CORO7: variants seen among roughly 807,000 people sequenced by gnomAD.
The protein encoded by CORO7 is coronin-7.
In CORO7, 107 loss-of-function variants were observed where a neutral mutation model predicts 126.6. The ratio of observed to expected loss-of-function variants is 0.85; its 90% CI spans 0.72 to 0.99. CORO7 has a LOEUF of 0.99. CORO7 is among the 50% of genes least tolerant of loss of function. The probability of loss-of-function intolerance (pLI) is 0.00; values close to 1 mark genes in which losing one functional copy is unlikely to be tolerated. For missense variants in CORO7, 1,314 were observed against 1,255.8 expected, an observed-to-expected ratio of 1.05 and a Z score of -0.70; for synonymous variants, 603 against 536.8, an observed-to-expected ratio of 1.12 and a Z score of -1.70.
At chr16:4,384,895 T>C (rs1363938347) in intron 9 of CORO7, among the ~76,000 whole-genome samples, 1 of 151,134 alleles carries the variant, frequency 6.6e-6, no homozygotes, top group East Asian at 1.9e-4. Flanking sequence ...CTGAGGCTGC[T>C]GCTGAACACG....
At chr16:4,398,469 G>A (rs564120685) in intron 6 of CORO7, among the ~76,000 whole-genome samples, 6 of 152,012 alleles carry the variant, frequency 3.9e-5, no homozygotes, top group Non-Finnish European at 5.9e-5. Flanking sequence ...AGCTCGAGAC[G>A]AGCCTGGCCA....
chr16:4,391,931 G>A (rs1444967782), intron 7 of CORO7, among the ~76,000 whole-genome samples: 2 of 152,224 alleles, frequency 1.3e-5, no homozygotes, highest in Non-Finnish European at 2.9e-5. Flanking sequence ...GTGCAGGAGG[G>A]GAGGCGCGTG....
chr16:4,368,798 C>T (rs1256339930), intron 9 of CORO7, among the ~76,000 whole-genome samples: 3 of 151,734 alleles, frequency 2.0e-5, no homozygotes, highest in Non-Finnish European at 4.4e-5. Context: ...CAGCAAGACC[C>T]TATCTCAAAA....
intron 9 of CORO7, chr16:4,382,653 G>A (rs998333554): frequency 2.1e-5 from 32 of 1,553,556 alleles, no homozygotes; most frequent in South Asian, 8.2e-5. Flanking sequence ...CGCTGGCTGC[G>A]GTGGGGGCAG....
intron 3 of CORO7, among the ~76,000 whole-genome samples, chr16:4,410,688 T>C (rs955409021): frequency 6.6e-6 from 1 of 152,178 alleles, no homozygotes; most frequent in African/African-American, 2.4e-5. Context: ...GCGATTCCAT[T>C]TGCGTGAGAT....
intron 14 of CORO7, 37 bp downstream of exon 14, chr16:4,364,239 G>A (rs1385691001): frequency 6.7e-7 from 1 of 1,503,170 alleles, no homozygotes; most frequent in East Asian, 2.4e-5. Flanking sequence ...CCACTGCAGT[G>A]TCGCTGAGGG....
intron 9 of CORO7, among the ~76,000 whole-genome samples, chr16:4,384,859 G>A (rs1314520664): frequency 1.3e-5 from 2 of 152,218 alleles, no homozygotes; most frequent in Admixed American, 6.5e-5. Flanking sequence ...GCCCGTGGCT[G>A]CATCGTCAAA....
chr16:4,380,526 TTC>T (rs2054920082), intron 9 of CORO7, among the ~76,000 whole-genome samples: 1 of 152,162 alleles, frequency 6.6e-6, no homozygotes, highest in African/African-American at 2.4e-5. Flanking sequence ...AGTCCCACCA[TTC>T]TCTCCTTCCT....
At chr16:4,404,123 G>C (rs1484255022) in intron 6 of CORO7, among the ~76,000 whole-genome samples, 1 of 152,202 alleles carries the variant, frequency 6.6e-6, no homozygotes, top group Non-Finnish European at 1.5e-5. Flanking sequence ...GTACAGAAAA[G>C]AAAGTTAGAC....
intron 7 of CORO7, among the ~76,000 whole-genome samples, chr16:4,389,141 C>T (rs1224338331): frequency 6.6e-6 from 1 of 152,124 alleles, no homozygotes; most frequent in Non-Finnish European, 1.5e-5. Context: ...TGGGGGATTT[C>T]GAGGATCACT....
intron 14 of CORO7, chr16:4,363,293 G>C (rs989053336): frequency 6.6e-6 from 1 of 152,218 alleles, no homozygotes; most frequent in Non-Finnish European, 1.5e-5. Flanking sequence ...TTGGCCAGGC[G>C]CGGTGGCTCA....
Position 4,382,181 on chromosome 16 carries a change from G to T in CORO7, c.785+5805C>A, listed in dbSNP as rs141743670. The T allele has an allele frequency of 2.2e-5, 35 of 1,598,028 alleles. No individual in the cohort carries two copies. Among genetic ancestry groups the T allele is most frequent in the East Asian group, 6.8e-5 (3 of 44,190 alleles). ...CACCTGGCGTGCTTGTGCCCCGAAGGCTTCACGGGCCTGTACTGTGAGAGC... is the reference window on the plus strand; with the variant it reads ...CACCTGGCGTGCTTGTGCCCCGAAGTCTTCACGGGCCTGTACTGTGAGAGC... On this transcript the variant is annotated intron_variant, in intron 9 of 27. Coordinates refer to ENST00000251166, the MANE Select transcript of CORO7 (RefSeq NM_024535.5).
At chr16:4,407,119 TG>T (rs1245750637) in intron 5 of CORO7, among the ~76,000 whole-genome samples, 2 of 151,826 alleles carry the variant, frequency 1.3e-5, no homozygotes, top group Non-Finnish European at 2.9e-5. Context: ...GGCTAATTTT[TG>T]TATATTTAGT....
At chr16:4,412,725 G>A (rs991863123) in intron 2 of CORO7, 37 of 421,288 alleles carry the variant, frequency 8.8e-5, no homozygotes, top group South Asian at 1.6e-4. Flanking sequence ...TGCAGCTACC[G>A]TCAGCCACTT....
Position 4,371,124 on chromosome 16 carries a change from T to A in CORO7, c.786-5579A>T, listed in dbSNP as rs117626181. On this transcript the variant is annotated intron_variant, in intron 9 of 27. Coordinates refer to ENST00000251166, the MANE Select transcript of CORO7 (RefSeq NM_024535.5). Reference sequence around the variant, plus strand: ...GTGACCACCCCTATGCCTCCACAGCTCAGGCTTGAAGCTGCCAGTAACTGT... The same window carrying A: ...GTGACCACCCCTATGCCTCCACAGCACAGGCTTGAAGCTGCCAGTAACTGT... Among the ~76,000 whole-genome samples, 153 of 152,226 alleles carry A rather than the reference T, an allele frequency of 1.0e-3. 3 individuals carry two copies. In the East Asian group the frequency reaches 0.028, roughly 28 times the overall value.
Position 4,355,355 on chromosome 16 carries a change from C to T in CORO7, c.2703G>A (p.Val901=). 2 of 1,611,620 alleles carry T rather than the reference C, an allele frequency of 1.2e-6. No individual in the cohort carries two copies. The highest frequency in any genetic ancestry group is 8.5e-7 in the Non-Finnish European group (1 of 1,179,858). Residue 901 remains valine (V), a synonymous_variant, in exon 27 of 28, where the codon GTG becomes GTA. Transcript: ENST00000251166. ...QKKEELLNAM[V]AKLGNREDPL... is the part of the protein sequence containing the mutation. ...GGTCCTCCCGGTTCCCCAGTTTTGC[C>T]ACCATGGCATTCAGCAGCTGGGAGA...
intron 9 of CORO7, chr16:4,381,089 G>A (rs2054939860): frequency 6.2e-7 from 1 of 1,609,052 alleles, no homozygotes; most frequent in South Asian, 1.1e-5. Context: ...GACGCAGGCA[G>A]CTTTGCCGGC....
chr16:4,372,415 G>A (rs1235183275), intron 9 of CORO7, among the ~76,000 whole-genome samples: 1 of 152,258 alleles, frequency 6.6e-6, no homozygotes, highest in East Asian at 1.9e-4. Context: ...CAGAAGGGCT[G>A]CCCGGGGTCC....
At chr16:4,358,542 T>A (rs2054057239) in intron 23 of CORO7, 59 bp from the exon 24 acceptor site, 1 of 1,499,724 alleles carries the variant, frequency 6.7e-7, no homozygotes, top group African/African-American at 1.4e-5. Context: ...GCTGGGCACG[T>A]AGTCTCCCCA....
Sources: gnomAD v4.1 joint callset for allele counts (sites outside exome capture counted in the v4.1 genomes callset) on GRCh38, gnomAD v4.1.1 for gene constraint, MANE v1.5 for transcripts, NCBI Gene and HGNC (gene_info 2026-07-23, HGNC 2026-07-21) for gene names.